ARHGEF38: variants seen among roughly 807,000 people sequenced by gnomAD.
The protein encoded by ARHGEF38 is Rho guanine nucleotide exchange factor (GEF) 38.
A neutral mutation model predicts 79.9 loss-of-function variants in ARHGEF38; 79 were observed. The ratio of observed to expected loss-of-function variants is 0.99; its 90% CI spans 0.82 to 1.19. The LOEUF (loss-of-function observed/expected upper bound fraction) is 1.19. Ranked by LOEUF, ARHGEF38 falls within the 50% of genes most tolerant of loss-of-function variation. The pLI, the probability that ARHGEF38 is intolerant of heterozygous loss-of-function variation, is 0.00. For missense variants in ARHGEF38, 962 were observed against 907.2 expected, an observed-to-expected ratio of 1.06 and a Z score of -0.78; for synonymous variants, 366 against 328.3, an observed-to-expected ratio of 1.11 and a Z score of -1.24.
intron 5 of ARHGEF38, among the ~76,000 whole-genome samples, chr4:105,638,243 T>C (rs1001579109): frequency 3.3e-5 from 5 of 152,146 alleles, no homozygotes; most frequent in African/African-American, 4.8e-5. Context: ...ACCTACCTTC[T>C]TAAAAATACA....
At position 105,585,726 on chromosome 4, in the gene ARHGEF38, C is replaced by CTT. The variant is rs3056719; in HGVS notation, c.197-3500_197-3499dup. 8.1e-4 allele frequency among the ~76,000 whole-genome samples: 58 copies of CTT among 71,502 alleles called. 17 individuals are homozygous for CTT. Among genetic ancestry groups the CTT allele is most frequent in the South Asian group, 1.3e-3 (2 of 1,576 alleles). 46.9% of individuals were successfully genotyped at this position (71,502 alleles called of 152,430 possible). The stretch of plus-strand genomic sequence containing the variant: ...TCTTTCCTAAATAGCCCCTCCGTTG[C>CTT]TTTTTTTTTTTTTTTTTTTTTTTGA... On this transcript the variant is annotated intron_variant, in intron 1 of 13. Transcript: ENST00000420470.
chr4:105,568,896 G>A (rs1726075436), intron 1 of ARHGEF38, among the ~76,000 whole-genome samples: 1 of 152,012 alleles, frequency 6.6e-6, no homozygotes, highest in Admixed American at 6.6e-5. Flanking sequence ...TTAGGGTGAG[G>A]GCAAGTGCTG....
chr4:105,656,932 C>T (rs1463846638), intron 9 of ARHGEF38, among the ~76,000 whole-genome samples: 2 of 151,854 alleles, frequency 1.3e-5, no homozygotes, highest in Non-Finnish European at 2.9e-5. Context: ...AGGCTTACAT[C>T]TGAGCTAATA....
chr4:105,655,653 A>G lies in ARHGEF38; in HGVS notation c.1164A>G (p.Ser388=), dbSNP rs1363370763. The change falls in exon 9 of 14, where the codon TCA becomes TCG. Residue 388 remains serine (S), a synonymous_variant. Coordinates refer to ENST00000420470, the MANE Select transcript of ARHGEF38 (RefSeq NM_001242729.2). The part of the protein sequence containing the change: ...LQSVMDLQEI[S]YNKDDEMDYS... ...GTGTGATGGACCTTCAGGAGATTTC[A>G]TACAACAAAGACGATGAGATGGACT... The G allele has an allele frequency of 1.3e-6, 2 of 1,535,998 alleles. No individual in the cohort carries two copies. The highest frequency in any genetic ancestry group is 2.4e-5 in the East Asian group (1 of 40,880).
At chr4:105,603,913 C>A (rs570255172) in intron 2 of ARHGEF38, among the ~76,000 whole-genome samples, 2 of 152,184 alleles carry the variant, frequency 1.3e-5, no homozygotes, top group South Asian at 4.1e-4. Flanking sequence ...CTCCCGCTCA[C>A]TTTGGTATCT....
At chr4:105,612,987 C>G (rs969927966) in intron 2 of ARHGEF38, among the ~76,000 whole-genome samples, 1 of 151,980 alleles carries the variant, frequency 6.6e-6, no homozygotes, top group African/African-American at 2.4e-5. Flanking sequence ...GTTTAAAAAA[C>G]AGCTTTGAAA....
intron 2 of ARHGEF38, among the ~76,000 whole-genome samples, chr4:105,591,787 G>A (rs1157196351): frequency 2.0e-5 from 3 of 152,014 alleles, no homozygotes; most frequent in South Asian, 2.1e-4. Context: ...CAGTTCCCAC[G>A]CCAGAATTAC....
chr4:105,575,618 T>G (rs568458843), intron 1 of ARHGEF38, among the ~76,000 whole-genome samples: 2 of 152,336 alleles, frequency 1.3e-5, no homozygotes, highest in African/African-American at 4.8e-5. Context: ...ATTCTGATGA[T>G]TATTTCTTTG....
At chr4:105,584,469 C>T (rs535553369) in intron 1 of ARHGEF38, among the ~76,000 whole-genome samples, 14 of 152,238 alleles carry the variant, frequency 9.2e-5, no homozygotes, top group South Asian at 6.2e-4. Context: ...GCTTTACTAA[C>T]GTTATCCTTA....
intron 3 of ARHGEF38, 51 bp from the exon 4 acceptor site, chr4:105,630,847 G>A: frequency 6.6e-7 from 1 of 1,513,088 alleles, no homozygotes; most frequent in Non-Finnish European, 8.9e-7. Flanking sequence ...ATCATGTGAA[G>A]TGCCAGCTTT....
At chr4:105,681,503 G>GT (rs775626217), downstream of ARHGEF38, among the ~76,000 whole-genome samples, 24 of 152,230 alleles carry the variant, frequency 1.6e-4, no homozygotes, top group African/African-American at 2.9e-4. Flanking sequence ...TGGATATCCA[G>GT]TTTTTTTGCT....
intron 3 of ARHGEF38, among the ~76,000 whole-genome samples, chr4:105,629,647 A>T (rs1433576620): frequency 6.9e-6 from 1 of 144,658 alleles, no homozygotes; most frequent in Non-Finnish European, 1.5e-5. Flanking sequence ...TATCTGCCAA[A>T]TAATTTCTAT....
chr4:105,672,000 G>A (rs958399069), intron 13 of ARHGEF38, among the ~76,000 whole-genome samples: 2 of 152,202 alleles, frequency 1.3e-5, no homozygotes, highest in South Asian at 4.1e-4. Flanking sequence ...AGGACAGGTG[G>A]CCTCTACCTC....
intron 1 of ARHGEF38, among the ~76,000 whole-genome samples, chr4:105,570,543 T>C (rs1036352369): frequency 6.6e-6 from 1 of 152,112 alleles, no homozygotes; most frequent in African/African-American, 2.4e-5. Context: ...CACATCCTTC[T>C]CATGGCAACA....
intron 1 of ARHGEF38, among the ~76,000 whole-genome samples, chr4:105,574,157 C>T (rs1726369994): frequency 6.6e-6 from 1 of 152,156 alleles, no homozygotes; most frequent in South Asian, 2.1e-4. Context: ...AATTTTAGAA[C>T]AGAGAGAATT....
chr4:105,662,046 T>C (rs1304571217), intron 10 of ARHGEF38, among the ~76,000 whole-genome samples: 1 of 152,198 alleles, frequency 6.6e-6, no homozygotes, highest in Non-Finnish European at 1.5e-5. Flanking sequence ...CCAGATTCCC[T>C]GCTTAACTAT....
At chr4:105,607,564 T>G (rs1380250415) in intron 2 of ARHGEF38, among the ~76,000 whole-genome samples, 1 of 152,070 alleles carries the variant, frequency 6.6e-6, no homozygotes, top group Non-Finnish European at 1.5e-5. Context: ...GATAAATTAG[T>G]AAATATTTCT....
intron 1 of ARHGEF38, among the ~76,000 whole-genome samples, chr4:105,585,726 C>CGTTTTTTT (rs3056721): frequency 1.4e-5 from 1 of 71,504 alleles, no homozygotes; most frequent in African/African-American, 5.7e-5. Context: ...CCCTCCGTTG[C>CGTTTTTTT]TTTTTTTTTT....
At chr4:105,574,329 C>A (rs995453646) in intron 1 of ARHGEF38, among the ~76,000 whole-genome samples, 1 of 151,948 alleles carries the variant, frequency 6.6e-6, no homozygotes, top group Non-Finnish European at 1.5e-5. Flanking sequence ...GGGTGGATCC[C>A]GGGGTCAGGA....
Sources: gnomAD v4.1 joint callset for allele counts (sites outside exome capture counted in the v4.1 genomes callset) on GRCh38, gnomAD v4.1.1 for gene constraint, MANE v1.5 for transcripts, NCBI Gene and HGNC (gene_info 2026-07-23, HGNC 2026-07-21) for gene names.